The following CDYL variants were observed in gnomAD, a reference collection of about 807,000 sequenced individuals.
CDYL encodes chromodomain Y like, also known as chromodomain Y-like protein.
In CDYL, 8 loss-of-function variants were observed where a neutral mutation model predicts 47.3. That is an observed-to-expected ratio of 0.17 (90% CI 0.10 to 0.31). The LOEUF is 0.31. Ranked by LOEUF, CDYL falls within the 10% of genes least tolerant of loss-of-function variation. CDYL has a pLI of 1.00. For missense variants in CDYL, 471 were observed against 701.4 expected (o/e 0.67, Z 3.71); for synonymous variants, 266 against 265.0 (o/e 1.00, Z -0.04).
chr6:4,757,018 T>C (rs1359876087), intron 3 of CDYL, among the ~76,000 whole-genome samples: 1 of 152,216 alleles, frequency 6.6e-6, no homozygotes, highest in Non-Finnish European at 1.5e-5. Context: ...TCTTTTCAAG[T>C]CTTGTGTGAG....
chr6:4,943,872 C>CATA, intron 5 of CDYL, 116 bp downstream of exon 5: 1 of 745,472 alleles, frequency 1.3e-6, no homozygotes, highest in Non-Finnish European at 2.1e-6. Context: ...TGGGGACTTT[C>CATA]CATCTTGTAA....
At chr6:4,895,924 A>T (rs1762269727) in intron 2 of CDYL, among the ~76,000 whole-genome samples, 1 of 152,202 alleles carries the variant, frequency 6.6e-6, no homozygotes, top group Non-Finnish European at 1.5e-5. Flanking sequence ...TAAGCATAGA[A>T]TCTTAAATTA....
intron 3 of CDYL, among the ~76,000 whole-genome samples, chr6:4,765,640 T>C (rs955738558): frequency 5.3e-5 from 8 of 152,056 alleles, no homozygotes; most frequent in East Asian, 3.9e-4. Context: ...CTCAGCTCTC[T>C]GCAACCTCTG....
At chr6:4,706,729 C>T (rs1431490895) in intron 1 of CDYL, among the ~76,000 whole-genome samples, 1 of 152,108 alleles carries the variant, frequency 6.6e-6, no homozygotes, top group East Asian at 1.9e-4. Flanking sequence ...GCAGAGCCTG[C>T]AGTGAGTCGA....
At chr6:4,866,981 GC>G (rs67942420) in intron 1 of CDYL, among the ~76,000 whole-genome samples, 2,739 of 152,138 alleles carry the variant, frequency 0.018, 48 homozygotes, top group Middle Eastern at 0.031. Context: ...ATCATGAAAA[GC>G]TTCAAATTTC....
chr6:4,835,314 G>T (rs1581199701), intron 1 of CDYL, among the ~76,000 whole-genome samples: 1 of 152,204 alleles, frequency 6.6e-6, no homozygotes, highest in African/African-American at 2.4e-5. Flanking sequence ...CTGCAGGTCT[G>T]TTGGAGTTTG....
At chr6:4,875,430 T>C (rs1761593411) in intron 1 of CDYL, among the ~76,000 whole-genome samples, 1 of 152,244 alleles carries the variant, frequency 6.6e-6, no homozygotes, top group Non-Finnish European at 1.5e-5. Context: ...AATATTTTAT[T>C]TGTCAACTTA....
intron 5 of CDYL, among the ~76,000 whole-genome samples, chr6:4,945,146 A>C (rs1758474222): frequency 6.6e-6 from 1 of 152,178 alleles, no homozygotes; most frequent in African/African-American, 2.4e-5. Context: ...AGAAAGGACA[A>C]GAGTGGGAAG....
intron 2 of CDYL, chr6:4,715,932 TAGAG>T: frequency 1.3e-6 from 2 of 1,581,374 alleles, no homozygotes; most frequent in Admixed American, 1.8e-5. Context: ...GCAGAATTCT[TAGAG>T]AGGCCCCTTT....
At chr6:4,723,824 A>G (rs889067075) in intron 2 of CDYL, among the ~76,000 whole-genome samples, 18 of 152,234 alleles carry the variant, frequency 1.2e-4, no homozygotes, top group Non-Finnish European at 2.2e-4. Context: ...TTAGGCACAT[A>G]CTGAGACAAC....
At position 4,955,218 on chromosome 6, in the gene CDYL, A is replaced by T. The variant is rs371372750; in HGVS notation, c.*1162A>T. 9 of 152,742 alleles carry T rather than the reference A, an allele frequency of 5.9e-5. No homozygotes were observed. The highest frequency in any genetic ancestry group is 4.6e-4 in the Admixed American group (7 of 15,298). 9.5% of individuals were successfully genotyped at this position (152,742 alleles called of 1,614,324 possible). A position where few individuals can be genotyped will look rare whatever the true frequency, so the allele number is the denominator to read the frequency against. Reference sequence around the variant, plus strand: ...GCACTCCTTCCAGGAGTGGGTACTGATTCCAGACTCCAGATGCCTATTATT... The same window carrying T: ...GCACTCCTTCCAGGAGTGGGTACTGTTTCCAGACTCCAGATGCCTATTATT... On this transcript the variant is annotated 3_prime_UTR_variant, in exon 7 of 7. Transcript: ENST00000397588.
chr6:4,854,437 C>T (rs1760945169), intron 1 of CDYL, among the ~76,000 whole-genome samples: 1 of 152,230 alleles, frequency 6.6e-6, no homozygotes, highest in South Asian at 2.1e-4. Flanking sequence ...GGACTGTGTA[C>T]ACCCCACAGG....
intron 2 of CDYL, among the ~76,000 whole-genome samples, chr6:4,717,068 G>A (rs1171008748): frequency 6.6e-6 from 1 of 152,116 alleles, no homozygotes; most frequent in African/African-American, 2.4e-5. Flanking sequence ...AGCAGGCAGT[G>A]GGAACCTGGG....
intron 5 of CDYL, among the ~76,000 whole-genome samples, chr6:4,946,810 A>G (rs975606134): frequency 9.2e-5 from 14 of 151,836 alleles, no homozygotes; most frequent in African/African-American, 3.4e-4. Flanking sequence ...GGATGGCCCC[A>G]CCGGCTGTGC....
chr6:4,931,566 A>C (rs941193976), intron 2 of CDYL, among the ~76,000 whole-genome samples: 5 of 152,114 alleles, frequency 3.3e-5, no homozygotes. Context: ...GATTGTCTTG[A>C]GTAGGGGGCA....
chr6:4,708,116 T>A (rs1025077043), intron 1 of CDYL, among the ~76,000 whole-genome samples: 10 of 151,590 alleles, frequency 6.6e-5, no homozygotes, highest in Admixed American at 3.3e-4. Flanking sequence ...TTAGGTATAA[T>A]CAAAAGAATG....
intron 1 of CDYL, among the ~76,000 whole-genome samples, chr6:4,849,446 T>G (rs1760755898): frequency 6.6e-6 from 1 of 152,208 alleles, no homozygotes; most frequent in Non-Finnish European, 1.5e-5. Flanking sequence ...CTGCAGACAC[T>G]AAGGTCACTA....
chr6:4,955,265 A>G lies in CDYL; in HGVS notation c.*1209A>G, dbSNP rs1306403897. 2.0e-5 allele frequency: 3 copies of G among 152,702 alleles called. No individual in the cohort carries two copies. Among genetic ancestry groups the G allele is most frequent in the East Asian group, 3.9e-4 (2 of 5,180 alleles). The allele number at this position is 152,702 out of a possible 1,614,324, so 9.5% of individuals were successfully genotyped here. On this transcript the variant is annotated 3_prime_UTR_variant, in exon 7 of 7. Coordinates refer to ENST00000397588, the MANE Select transcript of CDYL (RefSeq NM_004824.4). ...TATTAGTTAGGCTTCTGAGCTTGCAATCATATTGAATGTATGAAGAGCGAA... is the reference window on the plus strand; with the variant it reads ...TATTAGTTAGGCTTCTGAGCTTGCAGTCATATTGAATGTATGAAGAGCGAA...
At chr6:4,848,128 A>T (rs1191511903) in intron 1 of CDYL, among the ~76,000 whole-genome samples, 11 of 152,218 alleles carry the variant, frequency 7.2e-5, no homozygotes, top group Admixed American at 7.2e-4. Flanking sequence ...ATATGATTCT[A>T]TGAAATTAGG....
Sources: allele counts gnomAD v4.1 joint callset (sites outside exome capture counted in the v4.1 genomes callset), GRCh38; gene constraint gnomAD v4.1.1; transcripts MANE v1.5; gene names NCBI Gene and HGNC (gene_info 2026-07-23, HGNC 2026-07-21).